Variants in MYO16 observed in about 807,000 individuals in gnomAD.
The protein encoded by MYO16 is myosin XVI.
Under a neutral mutation model 205.3 loss-of-function variants are expected in MYO16, and 94 were observed. The ratio of observed to expected loss-of-function variants is 0.46; its 90% CI spans 0.39 to 0.54. The LOEUF (loss-of-function observed/expected upper bound fraction) is 0.54, where lower values mean the gene tolerates loss of function less well. Ranked by LOEUF, MYO16 falls within the 20% of genes least tolerant of loss-of-function variation. The pLI, the probability that MYO16 is intolerant of heterozygous loss-of-function variation, is 0.00. For missense variants in MYO16, 2,315 were observed against 2,387.5 expected (o/e 0.97, Z 0.63); for synonymous variants, 988 against 954.0 (o/e 1.04, Z -0.66).
intron 4 of MYO16, among the ~76,000 whole-genome samples, chr13:108,767,659 A>G (rs1470572148): frequency 6.6e-6 from 1 of 152,062 alleles, no homozygotes; most frequent in African/African-American, 2.4e-5. Context: ...ATTGATGGTA[A>G]GAGTGAAGGG....
At chr13:109,065,721 TCAAGGTGTCACTCCTCTC>T (rs1175090538) in intron 27 of MYO16, 1 of 329,806 alleles carries the variant, frequency 3.0e-6, no homozygotes, top group African/African-American at 2.2e-5. Flanking sequence ...TGGCTCTCTC[TCAAGGTGTCACTCCTCTC>T]CATCTTCATC....
chr13:108,594,815 T>C (rs183126076), upstream of MYO16, among the ~76,000 whole-genome samples: 189 of 152,318 alleles, frequency 1.2e-3, no homozygotes, highest in African/African-American at 4.4e-3. Context: ...CTTAGAAATA[T>C]TCAGTCATAC....
intron 1 of MYO16, among the ~76,000 whole-genome samples, chr13:108,640,527 A>C (rs1430982837): frequency 6.6e-6 from 1 of 152,148 alleles, no homozygotes; most frequent in Non-Finnish European, 1.5e-5. Flanking sequence ...TTGGAGAGGA[A>C]ACACATGAGC....
intron 4 of MYO16, among the ~76,000 whole-genome samples, chr13:108,755,987 G>T (rs771379146): frequency 1.3e-5 from 2 of 152,118 alleles, no homozygotes; most frequent in Non-Finnish European, 2.9e-5. Flanking sequence ...ACAAAACTTA[G>T]CATTATAGTC....
chr13:109,152,742 CCTCCGGATATGTAGTT>C (rs1250277980), intron 32 of MYO16, among the ~76,000 whole-genome samples: 3 of 152,170 alleles, frequency 2.0e-5, no homozygotes, highest in African/African-American at 4.8e-5. Context: ...CTATGGCATG[CCTCCGGATATGTAGTT>C]CTTCCTAGGC....
chr13:108,562,228 G>C, the MYO16 span, among the ~76,000 whole-genome samples: 1 of 152,086 alleles, frequency 6.6e-6, no homozygotes, highest in African/African-American at 2.4e-5. Context: ...GACAAATAAA[G>C]CATTCTGGAG....
At chr13:108,959,430 A>C (rs555283494) in intron 17 of MYO16, among the ~76,000 whole-genome samples, 1 of 152,368 alleles carries the variant, frequency 6.6e-6, no homozygotes, top group South Asian at 2.1e-4. Context: ...TTGAAAATTC[A>C]TGACTGATCC....
At chr13:108,938,545 G>A (rs957812634) in intron 16 of MYO16, among the ~76,000 whole-genome samples, 29 of 152,234 alleles carry the variant, frequency 1.9e-4, no homozygotes, top group Non-Finnish European at 1.2e-4. Flanking sequence ...TAGCCCCCAA[G>A]TTCTCTGCAG....
chr13:109,051,424 G>A (rs1887242315), intron 24 of MYO16, among the ~76,000 whole-genome samples: 1 of 152,068 alleles, frequency 6.6e-6, no homozygotes, highest in South Asian at 2.1e-4. Flanking sequence ...AGTGATTTAT[G>A]TTCATTATTT....
At chr13:108,751,516 C>G (rs1885238198) in intron 4 of MYO16, among the ~76,000 whole-genome samples, 1 of 152,176 alleles carries the variant, frequency 6.6e-6, no homozygotes, top group East Asian at 1.9e-4. Context: ...TATGTAGCTT[C>G]TACATCCTCA....
At chr13:108,531,838 C>G in the MYO16 span, among the ~76,000 whole-genome samples, 1 of 151,922 alleles carries the variant, frequency 6.6e-6, no homozygotes, top group African/African-American at 2.4e-5. Context: ...TTGAAGAACC[C>G]CTACATTTAA....
intron 28 of MYO16, among the ~76,000 whole-genome samples, chr13:109,110,091 T>G (rs181915870): frequency 2.9e-4 from 44 of 152,370 alleles, no homozygotes; most frequent in Admixed American, 2.9e-3. Context: ...TGGCCATTTA[T>G]GACATACAGT....
chr13:108,644,654 T>C (rs1230221012), intron 1 of MYO16, among the ~76,000 whole-genome samples: 3 of 152,164 alleles, frequency 2.0e-5, no homozygotes, highest in African/African-American at 7.2e-5. Flanking sequence ...AACATCTTTT[T>C]TTTTCTCATT....
At chr13:108,927,025 A>G (rs1159480610) in intron 16 of MYO16, among the ~76,000 whole-genome samples, 1 of 152,114 alleles carries the variant, frequency 6.6e-6, no homozygotes, top group Non-Finnish European at 1.5e-5. Flanking sequence ...TAGCATGACA[A>G]CAAGGTACAC....
At chr13:108,856,582 T>C (rs1180808764) in intron 11 of MYO16, among the ~76,000 whole-genome samples, 3 of 152,206 alleles carry the variant, frequency 2.0e-5, no homozygotes, top group Non-Finnish European at 4.4e-5. Context: ...CCCTGTTACT[T>C]TTGTAAAGTG....
chr13:109,005,087 A>G (rs1037751939), intron 21 of MYO16, among the ~76,000 whole-genome samples: 6 of 152,194 alleles, frequency 3.9e-5, no homozygotes, highest in African/African-American at 1.4e-4. Flanking sequence ...TGTGCAAATA[A>G]TGTACAAGGA....
chr13:108,890,103 T>A (rs7992978), intron 14 of MYO16, among the ~76,000 whole-genome samples: 4 of 93,960 alleles, frequency 4.3e-5, no homozygotes, highest in African/African-American at 1.8e-4. Context: ...CTAATTTTTG[T>A]ATTTTTTTTT....
At chr13:108,795,443 C>T (rs1048124354) in intron 6 of MYO16, among the ~76,000 whole-genome samples, 2 of 152,024 alleles carry the variant, frequency 1.3e-5, no homozygotes, top group Non-Finnish European at 2.9e-5. Flanking sequence ...CTTCTGACCT[C>T]GTGATCCGCC....
intron 16 of MYO16, among the ~76,000 whole-genome samples, chr13:108,932,220 C>T (rs558662147): frequency 6.6e-6 from 1 of 152,056 alleles, no homozygotes; most frequent in East Asian, 2.0e-4. Context: ...ATTTCTAGTT[C>T]TTTTTATATC....
Sources: gnomAD v4.1 joint callset for allele counts (sites outside exome capture counted in the v4.1 genomes callset) on GRCh38, gnomAD v4.1.1 for gene constraint, MANE v1.5 for transcripts, NCBI Gene and HGNC (gene_info 2026-07-23, HGNC 2026-07-21) for gene names.